FRAS1: variants seen among roughly 807,000 people sequenced by gnomAD.
The protein encoded by FRAS1 is extracellular matrix organizing protein FRAS1.
Under a neutral mutation model 435.2 loss-of-function variants are expected in FRAS1, and 290 were observed. The ratio of observed to expected loss-of-function variants is 0.67; its 90% confidence interval spans 0.61 to 0.73. FRAS1 has a LOEUF of 0.73. FRAS1 is among the 30% of genes least tolerant of loss of function. The probability of loss-of-function intolerance (pLI) is 0.00; values close to 1 mark genes in which losing one functional copy is unlikely to be tolerated. For synonymous variants in FRAS1, 1,800 were observed against 1,851.0 expected, an observed-to-expected ratio of 0.97 and a Z score of 0.71; for missense variants, 4,860 against 5,001.5, an observed-to-expected ratio of 0.97 and a Z score of 0.85.
chr4:78,380,270 T>A (rs926753245), intron 27 of FRAS1, among the ~76,000 whole-genome samples: 5 of 152,156 alleles, frequency 3.3e-5, no homozygotes, highest in African/African-American at 1.2e-4. Context: ...ACCCAGATTT[T>A]TGGCCCAGCA....
At chr4:78,455,683 G>C (rs528349977) in intron 47 of FRAS1, among the ~76,000 whole-genome samples, 5 of 152,220 alleles carry the variant, frequency 3.3e-5, no homozygotes, top group Admixed American at 2.6e-4. Context: ...GAGATGTAGG[G>C]AGCCATCTGC....
rs376458338 is a variant in FRAS1, at chr4:78,499,896, G to A, written c.9291G>A (p.Lys3097=). 859 of 1,579,258 alleles carry A rather than the reference G, an allele frequency of 5.4e-4. 9 individuals are homozygous for A. In the Middle Eastern group the frequency reaches 0.013, roughly 23 times the overall value. The change falls in exon 61 of 74, where the codon AAG becomes AAA. Residue 3097 remains lysine, a synonymous_variant. Transcript: ENST00000512123. ...SAQSGVDYYP[K]SRVLKFSPGV... is the part of the protein sequence containing the mutation. ...AGTCTGGTGTGGATTATTACCCAAA[G>A]AGCCGAGTCTTGAAGTTCAGTCCCG...
chr4:78,134,737 G>A (rs1200688351), intron 2 of FRAS1, among the ~76,000 whole-genome samples: 1 of 152,018 alleles, frequency 6.6e-6, no homozygotes, highest in African/African-American at 2.4e-5. Context: ...AATATCCTAG[G>A]TATGGTATTA....
rs1337048670 is a variant in FRAS1 at position 78,432,574 on chromosome 4, C to T, written c.5187C>T (p.Ala1729=). 1 of 1,607,034 alleles carries T rather than the reference C, an allele frequency of 6.2e-7. No homozygotes were observed. Among genetic ancestry groups the T allele is most frequent in the Admixed American group, 1.7e-5 (1 of 59,492 alleles). ...TTACTGTTGCCAGTAAAAGCACAGC[C>T]ATAATCACTAGGTCACACCTTGCTT... ...LSITVASKST[A]IITRSHLAYV... Residue 1729 remains alanine, a synonymous_variant, in exon 38 of 74, where the codon GCC becomes GCT. Transcript: ENST00000512123.
intron 15 of FRAS1, among the ~76,000 whole-genome samples, chr4:78,314,780 A>T (rs1038552768): frequency 6.6e-6 from 1 of 152,254 alleles, no homozygotes; most frequent in African/African-American, 2.4e-5. Flanking sequence ...TCAGCCTGAC[A>T]TGGTCCTACT....
At chr4:78,116,790 C>T in intron 2 of FRAS1, among the ~76,000 whole-genome samples, 1 of 152,292 alleles carries the variant, frequency 6.6e-6, no homozygotes, top group East Asian at 1.9e-4. Context: ...ATCCCATTTA[C>T]CAGTCTGTGT....
At chr4:78,085,570 T>G (rs192611212) in intron 2 of FRAS1, among the ~76,000 whole-genome samples, 1 of 152,090 alleles carries the variant, frequency 6.6e-6, no homozygotes, top group Non-Finnish European at 1.5e-5. Flanking sequence ...CCCTGTCTTC[T>G]GGGGACTCTC....
At position 78,282,851 on chromosome 4, in the gene FRAS1, A is replaced by G. The variant is rs1412957869; in HGVS notation, c.1139A>G (p.Lys380Arg). 5 of 1,613,182 alleles carry G rather than the reference A, an allele frequency of 3.1e-6. No homozygotes were observed. The South Asian group carries it at 3.3e-5, about 11-fold the overall frequency. The stretch of plus-strand genomic sequence containing the variant: ...GAGAAGTGGGAAGATGGCCCTTGCA[A>G]GGTGTGTGAGTGCCGAGGGGCTCAG... ...EGEKWEDGPCKVCECRGAQVT... is the reference protein window; with the variant it reads ...EGEKWEDGPCRVCECRGAQVT... The change falls in exon 12 of 74, where the codon AAG (lysine) becomes AGG (arginine). Residue 380 changes from lysine to arginine, a missense_variant. Physicochemically the swap from Lys to Arg is conservative, Grantham distance 26. Coordinates refer to ENST00000512123, the MANE Select transcript of FRAS1 (RefSeq NM_025074.7).
chr4:78,242,902 A>G (rs1725067514), intron 3 of FRAS1, among the ~76,000 whole-genome samples: 1 of 152,234 alleles, frequency 6.6e-6, no homozygotes, highest in Non-Finnish European at 1.5e-5. Flanking sequence ...CGTGGATTCT[A>G]TATCCGTATC....
At chr4:78,165,285 C>T (rs560981175) in intron 2 of FRAS1, among the ~76,000 whole-genome samples, 6 of 152,270 alleles carry the variant, frequency 3.9e-5, no homozygotes, top group African/African-American at 1.4e-4. Context: ...TCCAAACAAT[C>T]TAATCTCATG....
At chr4:78,456,138 CTTT>C (rs753676442) in intron 47 of FRAS1, among the ~76,000 whole-genome samples, 3 of 51,480 alleles carry the variant, frequency 5.8e-5, no homozygotes, top group Admixed American at 2.0e-4. Flanking sequence ...ACACATGTCA[CTTT>C]TTTTTTTTTT....
chr4:78,116,506 G>C (rs1266032947), intron 2 of FRAS1, among the ~76,000 whole-genome samples: 1 of 152,120 alleles, frequency 6.6e-6, no homozygotes, highest in Non-Finnish European at 1.5e-5. Context: ...TTATGAATCT[G>C]GGTGCTCCTG....
At chr4:78,075,832 C>A (rs1398533924) in intron 2 of FRAS1, among the ~76,000 whole-genome samples, 2 of 152,090 alleles carry the variant, frequency 1.3e-5, no homozygotes, top group Non-Finnish European at 2.9e-5. Flanking sequence ...GAGAGAAAGG[C>A]TCTTAGGATA....
At position 78,412,961 on chromosome 4, in the gene FRAS1, C is replaced by G. The variant is rs1421217313; in HGVS notation, c.4309-8C>G. 3 of 1,579,868 alleles carry G rather than the reference C, an allele frequency of 1.9e-6. No homozygotes were observed. ...ATGAGAGGCTCACCAGGATGACTTT[C>G]TTTTCAGGTGTCCAGTGCCTCCAAT... On this transcript the variant is annotated splice_polypyrimidine_tract_variant and splice_region_variant and intron_variant, in intron 31 of 73. Transcript: ENST00000512123.
intron 1 of FRAS1, among the ~76,000 whole-genome samples, chr4:78,065,081 T>TATATATATATATATATACAC (rs762909923): frequency 4.2e-4 from 53 of 125,674 alleles, no homozygotes; most frequent in African/African-American, 1.5e-3. Flanking sequence ...TATATATATA[T>TATATATATATATATATACAC]ATACATACAC....
intron 20 of FRAS1, among the ~76,000 whole-genome samples, chr4:78,341,267 A>G (rs1045376672): frequency 2.0e-5 from 3 of 152,222 alleles, no homozygotes; most frequent in Admixed American, 6.5e-5. Flanking sequence ...TGAGACACCC[A>G]TAAAGAGTTG....
At chr4:78,270,660 T>C (rs1726630809) in intron 9 of FRAS1, among the ~76,000 whole-genome samples, 1 of 151,992 alleles carries the variant, frequency 6.6e-6, no homozygotes, top group South Asian at 2.1e-4. Context: ...GAATCTCTCA[T>C]GTGTTTTGTC....
intron 18 of FRAS1, among the ~76,000 whole-genome samples, chr4:78,331,395 G>A: frequency 6.6e-6 from 1 of 152,152 alleles, no homozygotes; most frequent in Non-Finnish European, 1.5e-5. Context: ...TATGAGTGGG[G>A]CAGGGTGCTA....
At chr4:78,406,437 G>A (rs1029766601) in intron 30 of FRAS1, among the ~76,000 whole-genome samples, 3 of 152,172 alleles carry the variant, frequency 2.0e-5, no homozygotes, top group Non-Finnish European at 4.4e-5. Flanking sequence ...GAGGAGAAAG[G>A]CACTTCTTAC....
Sources: allele counts gnomAD v4.1 joint callset (sites outside exome capture counted in the v4.1 genomes callset), GRCh38; gene constraint gnomAD v4.1.1; transcripts MANE v1.5; gene names NCBI Gene and HGNC (gene_info 2026-07-23, HGNC 2026-07-21).